GPC6: variants seen among roughly 807,000 people sequenced by gnomAD.
GPC6 encodes glypican-6.
In GPC6, 14 loss-of-function variants were observed where a neutral mutation model predicts 55.2. The observed-to-expected ratio is 0.25, with a 90% CI of 0.17 to 0.40. GPC6 has a LOEUF of 0.40. GPC6 is among the 10% of genes least tolerant of loss of function. The pLI is 1.00. For synonymous variants in GPC6, 278 were observed against 259.6 expected, an observed-to-expected ratio of 1.07 and a Z score of -0.68; for missense variants, 641 against 708.5, an observed-to-expected ratio of 0.90 and a Z score of 1.08.
chr13:93,399,379 C>T (rs1186337989), intron 1 of GPC6, among the ~76,000 whole-genome samples: 1 of 152,162 alleles, frequency 6.6e-6, no homozygotes, highest in Admixed American at 6.5e-5. Flanking sequence ...ATTTGTTTCC[C>T]CTATGACCCA....
intron 3 of GPC6, among the ~76,000 whole-genome samples, chr13:93,870,119 G>A (rs1474035971): frequency 1.3e-5 from 2 of 151,842 alleles, no homozygotes; most frequent in Non-Finnish European, 2.9e-5. Flanking sequence ...AAGGTTTTGG[G>A]ACACCACTTT....
intron 1 of GPC6, among the ~76,000 whole-genome samples, chr13:93,294,404 A>C (rs1303362022): frequency 6.6e-6 from 1 of 152,184 alleles, no homozygotes; most frequent in Non-Finnish European, 1.5e-5. Context: ...CTTCATAATG[A>C]TTCCAAATTT....
chr13:93,749,156 A>G (rs1459127478), intron 2 of GPC6, among the ~76,000 whole-genome samples: 2 of 151,914 alleles, frequency 1.3e-5, no homozygotes, highest in African/African-American at 2.4e-5. Context: ...AGATGTTTCA[A>G]CTTCTCACAT....
intron 4 of GPC6, among the ~76,000 whole-genome samples, chr13:94,268,316 C>G (rs1394668415): frequency 3.3e-5 from 5 of 152,186 alleles, no homozygotes; most frequent in African/African-American, 1.2e-4. Context: ...ATTGAATATA[C>G]ATAGATATAA....
chr13:93,360,235 G>A (rs929465917), intron 1 of GPC6, among the ~76,000 whole-genome samples: 7 of 152,170 alleles, frequency 4.6e-5, no homozygotes, highest in Non-Finnish European at 8.8e-5. Context: ...AATCGGAATC[G>A]TCAAGTATAA....
intron 6 of GPC6, among the ~76,000 whole-genome samples, chr13:94,366,993 G>A (rs1162614219): frequency 2.0e-4 from 30 of 152,228 alleles, no homozygotes; most frequent in Admixed American, 2.0e-3. Flanking sequence ...TTTCTGCTAT[G>A]TGCTCAAGCC....
chr13:93,830,751 A>G (rs1418052867), intron 3 of GPC6: 2 of 581,426 alleles, frequency 3.4e-6, no homozygotes, highest in African/African-American at 3.7e-5. Context: ...ATTTTAAGCC[A>G]TTCTATGTGG....
chr13:93,745,792 A>G (rs550325345), intron 2 of GPC6, among the ~76,000 whole-genome samples: 2 of 152,316 alleles, frequency 1.3e-5, no homozygotes, highest in Admixed American at 6.5e-5. Context: ...GCCCATCTGT[A>G]TCATCTGCTT....
intron 3 of GPC6, among the ~76,000 whole-genome samples, chr13:93,985,363 G>A (rs1341187264): frequency 6.6e-6 from 1 of 150,800 alleles, no homozygotes; most frequent in Non-Finnish European, 1.5e-5. Flanking sequence ...CTTGAACCCA[G>A]GAGGTAGAGG....
chr13:93,475,884 T>G (rs1358711421), intron 1 of GPC6, among the ~76,000 whole-genome samples: 1 of 152,148 alleles, frequency 6.6e-6, no homozygotes, highest in Non-Finnish European at 1.5e-5. Context: ...GAACAAGCAT[T>G]TCTGTTGTAT....
At chr13:93,572,087 C>T (rs1374467594) in intron 2 of GPC6, among the ~76,000 whole-genome samples, 5 of 152,132 alleles carry the variant, frequency 3.3e-5, no homozygotes. Context: ...CTTTCACTGG[C>T]TCACTGTTGT....
At chr13:94,395,915 A>C (rs893643292) in intron 7 of GPC6, among the ~76,000 whole-genome samples, 1 of 152,160 alleles carries the variant, frequency 6.6e-6, no homozygotes, top group African/African-American at 2.4e-5. Context: ...AAGCTATATC[A>C]TCTGGGCTCC....
chr13:93,958,774 C>T (rs1033815909), intron 3 of GPC6, among the ~76,000 whole-genome samples: 1 of 152,032 alleles, frequency 6.6e-6, no homozygotes, highest in African/African-American at 2.4e-5. Flanking sequence ...TTGTTTTGGG[C>T]ACTAAGGCCA....
At chr13:94,092,090 C>T (rs1885505158) in intron 4 of GPC6, among the ~76,000 whole-genome samples, 2 of 139,262 alleles carry the variant, frequency 1.4e-5, no homozygotes, top group South Asian at 2.2e-4. Flanking sequence ...ACACATCCAT[C>T]ACCTCACATA....
At chr13:93,862,739 C>G (rs1888854225) in intron 3 of GPC6, among the ~76,000 whole-genome samples, 1 of 151,596 alleles carries the variant, frequency 6.6e-6, no homozygotes, top group Admixed American at 6.6e-5. Context: ...AGAGTAATAT[C>G]CCCGTTGACA....
intron 2 of GPC6, among the ~76,000 whole-genome samples, chr13:93,568,433 G>A (rs1387755995): frequency 2.0e-5 from 3 of 152,136 alleles, no homozygotes; most frequent in Non-Finnish European, 2.9e-5. Context: ...GAACTGGTGA[G>A]CAAATATCTC....
intron 3 of GPC6, among the ~76,000 whole-genome samples, chr13:93,888,176 T>C (rs1220092437): frequency 6.6e-6 from 1 of 152,200 alleles, no homozygotes; most frequent in Non-Finnish European, 1.5e-5. Flanking sequence ...TAGCTTGTGA[T>C]TTTGGACAGT....
At chr13:94,112,655 T>C (rs1217233149) in intron 4 of GPC6, among the ~76,000 whole-genome samples, 2 of 152,170 alleles carry the variant, frequency 1.3e-5, no homozygotes, top group Non-Finnish European at 2.9e-5. Context: ...ATTTTTAAGG[T>C]GTTATTTTTT....
At chr13:94,031,070 G>A (rs994017387) in intron 4 of GPC6, among the ~76,000 whole-genome samples, 10 of 148,428 alleles carry the variant, frequency 6.7e-5, no homozygotes, top group South Asian at 2.1e-4. Flanking sequence ...GTGCATGTGC[G>A]TGTGCGTGTG....
Sources: allele counts gnomAD v4.1 joint callset (sites outside exome capture counted in the v4.1 genomes callset), GRCh38; gene constraint gnomAD v4.1.1; transcripts MANE v1.5; gene names NCBI Gene and HGNC (gene_info 2026-07-23, HGNC 2026-07-21).